FADS1: variants seen among roughly 807,000 people sequenced by gnomAD.
The protein encoded by FADS1 is fatty acid desaturase 1.
In FADS1, 17 loss-of-function variants were observed where a neutral mutation model predicts 61.6. That is an observed-to-expected ratio of 0.28 (90% CI 0.19 to 0.41). The LOEUF is 0.41. Among genes scored for constraint, FADS1 ranks in the 10% least tolerant of loss-of-function variants. The pLI is 1.00. For synonymous variants in FADS1, 238 were observed against 258.7 expected, an observed-to-expected ratio of 0.92 and a Z score of 0.77; for missense variants, 387 against 650.9, an observed-to-expected ratio of 0.59 and a Z score of 4.41.
rs912765257 is a variant in FADS1, at chr11:61,816,092, T to C, written c.375+463A>G. 1.6e-6 allele frequency: 1 copy of C among 613,362 alleles called. No homozygotes were observed. Among genetic ancestry groups the C allele is most frequent in the Non-Finnish European group, 2.8e-6 (1 of 352,372 alleles). 38.0% of individuals were successfully genotyped at this position (613,362 alleles called of 1,614,324 possible). A position where few individuals can be genotyped will look rare whatever the true frequency, so the allele number is the denominator to read the frequency against. Reference sequence around the variant, plus strand: ...CTCCCTCTCCGCTCCTGCTGGCGAGTGGAGACCGGCACCTAGGTCCAGACG... The same window carrying C: ...CTCCCTCTCCGCTCCTGCTGGCGAGCGGAGACCGGCACCTAGGTCCAGACG... On this transcript the variant is annotated intron_variant, in intron 1 of 11. Coordinates refer to ENST00000350997, the MANE Select transcript of FADS1 (RefSeq NM_013402.7). This position sits in a 1 kb window ranked among gnomAD's most constrained non-coding sequence, Gnocchi z 7.0.
intron 5 of FADS1, among the ~76,000 whole-genome samples, chr11:61,808,335 CAA>C (rs199977718): frequency 6.0e-4 from 74 of 123,044 alleles, no homozygotes; most frequent in Admixed American, 1.3e-3. Flanking sequence ...GACTCTGTCT[CAA>C]AAAAAAAAAA....
chr11:61,804,448 C>G (rs1276191430), intron 7 of FADS1: 1 of 479,996 alleles, frequency 2.1e-6, no homozygotes, highest in Non-Finnish European at 3.7e-6. Flanking sequence ...GGCATTATGC[C>G]CAGTACAAGA....
chr11:61,816,807 C>T lies in FADS1; in HGVS notation c.123G>A (p.Thr41=), dbSNP rs2066989538. The T allele has an allele frequency of 4.7e-6, 7 of 1,496,770 alleles. No homozygotes were observed. Among genetic ancestry groups the T allele is most frequent in the Non-Finnish European group, 6.2e-6 (7 of 1,132,914 alleles). 92.7% of individuals were successfully genotyped at this position (1,496,770 alleles called of 1,614,324 possible). ...IHSWSPRTPS[T]RLTAPAGPAR... ...CCGGGCCAGCAGGGGCTGTCAGGCG[C>T]GTGCTCGGGGTCCGCGGGCTCCAGG... The change falls in exon 1 of 12, where the codon ACG becomes ACA. Residue 41 remains threonine, a synonymous_variant. Transcript: ENST00000350997. This position sits in a 1 kb window ranked among gnomAD's most constrained non-coding sequence, Gnocchi z 7.0.
At chr11:61,809,079 C>G (rs2066914932) in intron 5 of FADS1, among the ~76,000 whole-genome samples, 1 of 152,226 alleles carries the variant, frequency 6.6e-6, no homozygotes, top group African/African-American at 2.4e-5. Flanking sequence ...CCCTAGTTTT[C>G]TGGTCTTCTC....
intron 1 of FADS1, among the ~76,000 whole-genome samples, chr11:61,813,890 C>CGGG (rs369746205): frequency 0.014 from 2,034 of 143,834 alleles, 27 homozygotes; most frequent in Non-Finnish European, 0.024. Context: ...GCGTGAACCC[C>CGGG]GGGGGAGGGC....
chr11:61,806,383 A>C (rs1161358222), intron 6 of FADS1: 3 of 456,330 alleles, frequency 6.6e-6, no homozygotes, highest in African/African-American at 2.0e-5. Context: ...TTGAGGATAA[A>C]GCAAGAGGCC....
rs578232462 is a variant in FADS1 at position 61,801,438 on chromosome 11, AAAG to A, written c.*970_*972del. ...TCCTGAGGAGTGGTTAAAGAGGTGA[AAAG>A]AAGAGGTGAATTAAAAGATGAAAGA... On this transcript the variant is annotated 3_prime_UTR_variant, in exon 12 of 12. Coordinates refer to ENST00000350997, the MANE Select transcript of FADS1 (RefSeq NM_013402.7). 2 of 152,364 alleles carry A rather than the reference AAAG, an allele frequency of 1.3e-5. No individual in the cohort carries two copies. Among genetic ancestry groups the A allele is most frequent in the Non-Finnish European group, 2.9e-5 (2 of 68,054 alleles). 9.4% of individuals were successfully genotyped at this position (152,364 alleles called of 1,614,324 possible).
chr11:61,804,645 G>C (rs1244462426), intron 7 of FADS1, 40 bp downstream of exon 7: 1 of 1,567,796 alleles, frequency 6.4e-7, no homozygotes, highest in South Asian at 1.1e-5. Context: ...TCTGGGTGCT[G>C]GAGACAAGGA....
intron 5 of FADS1, among the ~76,000 whole-genome samples, chr11:61,808,104 G>A (rs1483797088): frequency 1.3e-5 from 2 of 152,174 alleles, no homozygotes; most frequent in Non-Finnish European, 2.9e-5. Flanking sequence ...GGGAGGCTGA[G>A]GTAGGCGGAC....
chr11:61,813,574 GGTAAAATGGACCAATCAGCACCCT>G (rs1367522465), intron 1 of FADS1: 232 of 548,988 alleles, frequency 4.2e-4, no homozygotes, highest in African/African-American at 3.5e-3. Flanking sequence ...GCTAGCTAGA[GGTAAAATGGACCAATCAGCACCCT>G]GTAAAATGGA....
chr11:61,807,829 C>G (rs981585617), intron 5 of FADS1, among the ~76,000 whole-genome samples: 1 of 152,198 alleles, frequency 6.6e-6, no homozygotes, highest in Non-Finnish European at 1.5e-5. Context: ...TCTAGCTCAC[C>G]CTTCCATGTG....
chr11:61,810,424 C>T (rs1293033857), intron 5 of FADS1, among the ~76,000 whole-genome samples: 1 of 152,184 alleles, frequency 6.6e-6, no homozygotes, highest in African/African-American at 2.4e-5. Context: ...AAAAAAGCAC[C>T]TCCAGGAGGT....
rs193238508 is a variant in FADS1, at chr11:61,806,811, C to T, written c.916-87G>A. ...ACCTTTCCTTGCTTGGAGGTTTAGG[C>T]CTCCTCCAGGGCTGACAGCTTGTTG... On this transcript the variant is annotated intron_variant, in intron 5 of 11. Coordinates refer to ENST00000350997, the MANE Select transcript of FADS1 (RefSeq NM_013402.7). 4.1e-6 allele frequency: 5 copies of T among 1,228,396 alleles called. No homozygotes were observed. In the African/African-American group the frequency reaches 7.4e-5, roughly 18 times the overall value. The allele number at this position is 1,228,396 out of a possible 1,614,324, so 76.1% of individuals were successfully genotyped here. A position where few individuals can be genotyped will look rare whatever the true frequency, so the allele number is the denominator to read the frequency against.
Position 61,816,890 on chromosome 11 carries a change from C to T in FADS1, c.40G>A (p.Gly14Ser). 2 of 1,456,974 alleles carry T rather than the reference C, an allele frequency of 1.4e-6. No individual in the cohort carries two copies. The highest frequency in any genetic ancestry group is 1.3e-5 in the South Asian group (1 of 74,112). The allele number at this position is 1,456,974 out of a possible 1,614,324, so 90.3% of individuals were successfully genotyped here. The change falls in exon 1 of 12, where the codon GGT (glycine) becomes AGT (serine). Residue 14 changes from glycine to serine, a missense_variant. This residue lies in a region of FADS1 where 130 missense variants were observed against 117.7 expected (regional missense o/e 1.10). Coordinates refer to ENST00000350997, the MANE Select transcript of FADS1 (RefSeq NM_013402.7). The surrounding 1 kb of genome is among the most constrained non-coding windows in gnomAD (Gnocchi z 7.0). ...CGCCTGCGCGCCGGGTTTTCAGCAC[C>T]GCAGGGCAGACCGGCGGGCCTCGCA... The part of the protein sequence containing the change: ...RAARPAGLPC[G>S]AENPARRRLA...
intron 1 of FADS1, 38 bp from the exon 2 acceptor site, chr11:61,813,391 A>C (rs202171216): frequency 2.0e-4 from 259 of 1,272,182 alleles, no homozygotes; most frequent in Admixed American, 1.1e-3. Context: ...TGAGGGAGCC[A>C]GCCCCCTGGA....
At chr11:61,806,497 T>A in intron 6 of FADS1, 167 bp downstream of exon 6, 1 of 645,552 alleles carries the variant, frequency 1.5e-6, no homozygotes, top group South Asian at 1.8e-5. Flanking sequence ...TTCGCTCAGC[T>A]GAGATGGCAA....
At chr11:61,814,226 C>T (rs368998142) in intron 1 of FADS1, 3 of 152,708 alleles carry the variant, frequency 2.0e-5, no homozygotes, top group African/African-American at 7.2e-5. Flanking sequence ...GAAGCACAGG[C>T]CATCTCCCTA....
Position 61,806,677 on chromosome 11 carries a change from T to C in FADS1, c.963A>G (p.Lys321=), listed in dbSNP as rs779394900. The change falls in exon 6 of 12, where the codon AAA becomes AAG. Residue 321 remains lysine (K), a synonymous_variant. Transcript: ENST00000350997. ...KKYMPYNHQH[K]YFFLIGPPAL... Reference sequence around the variant, plus strand: ...GGGGACACTCACTTAGGAAGAAGTATTTGTGCTGGTGGTTGTACGGCATAT... The same window carrying C: ...GGGGACACTCACTTAGGAAGAAGTACTTGTGCTGGTGGTTGTACGGCATAT... 2.5e-6 allele frequency: 4 copies of C among 1,614,094 alleles called. No individual in the cohort carries two copies. Among genetic ancestry groups the C allele is most frequent in the Non-Finnish European group, 3.4e-6 (4 of 1,179,932 alleles).
In FADS1 at chr11:61,802,526, G is replaced by C. The variant is rs1432406797; in HGVS notation, c.1455-64C>G. On this transcript the variant is annotated intron_variant, in intron 11 of 11. Transcript: ENST00000350997. This position sits in a 1 kb window ranked among gnomAD's most constrained non-coding sequence, Gnocchi z 4.2. ...AGCAGAGTTGAACCCACCGGAGATGGAGCAGTGAGGTTAAGGCCTTCTTCC... is the reference window on the plus strand; with the variant it reads ...AGCAGAGTTGAACCCACCGGAGATGCAGCAGTGAGGTTAAGGCCTTCTTCC... The C allele has an allele frequency of 2.1e-6, 3 of 1,445,530 alleles. No homozygotes were observed. The highest frequency in any genetic ancestry group is 2.2e-4 in the Middle Eastern group (1 of 4,608). The allele number at this position is 1,445,530 out of a possible 1,614,324, so 89.5% of individuals were successfully genotyped here.
Sources: allele counts gnomAD v4.1 joint callset (sites outside exome capture counted in the v4.1 genomes callset), GRCh38; gene constraint gnomAD v4.1.1; regional missense constraint gnomAD v4.1.1; non-coding constraint Gnocchi (gnomAD v3.1); transcripts MANE v1.5; gene names NCBI Gene and HGNC (gene_info 2026-07-23, HGNC 2026-07-21).